Variants in PGLYRP2 observed in about 807,000 individuals in gnomAD.
The protein encoded by PGLYRP2 is N-acetylmuramoyl-L-alanine amidase.
In PGLYRP2, 38 loss-of-function variants were observed where a neutral mutation model predicts 46.2. The ratio of observed to expected loss-of-function variants is 0.82; its 90% CI spans 0.64 to 1.08. The LOEUF (loss-of-function observed/expected upper bound fraction) is 1.08, where lower values mean the gene tolerates loss of function less well. Ranked by LOEUF, PGLYRP2 falls within the 50% of genes least tolerant of loss-of-function variation. The probability of loss-of-function intolerance (pLI) is 0.00; values close to 1 mark genes in which losing one functional copy is unlikely to be tolerated. For synonymous variants in PGLYRP2, 289 were observed against 329.4 expected (o/e 0.88, Z 1.33); for missense variants, 713 against 755.9 (o/e 0.94, Z 0.67).
Position 15,476,243 on chromosome 19 carries a change from C to T in PGLYRP2, c.427G>A (p.Asp143Asn), listed in dbSNP as rs1490425966. 6.2e-7 allele frequency: 1 copy of T among 1,614,050 alleles called. No individual in the cohort carries two copies. Among genetic ancestry groups the T allele is most frequent in the Non-Finnish European group, 8.5e-7 (1 of 1,180,030 alleles). ...QGRRVINLPL[D>N]SMAAPWETGD... ...GTCTCCCAAGGGGCAGCCATGCTGT[C>T]CAAGGGCAAATTTATGACCCTGCGC... Residue 143 changes from aspartate (D) to asparagine (N), a missense_variant, in exon 2 of 5, where the codon GAC (aspartate) becomes AAC (asparagine). Transcript: ENST00000340880.
intron 1 of PGLYRP2, among the ~76,000 whole-genome samples, chr19:15,477,230 T>C (rs1394306378): frequency 6.6e-6 from 1 of 151,486 alleles, no homozygotes; most frequent in Non-Finnish European, 1.5e-5. Flanking sequence ...CCATCTCTAA[T>C]AAAAATACAA....
chr19:15,468,809 CT>C (rs2145512395), intron 4 of PGLYRP2, 57 bp from the exon 5 acceptor site: 1 of 1,399,070 alleles, frequency 7.1e-7, no homozygotes. Context: ...GTGGCTGGGT[CT>C]GCCCTCCTGG....
intron 1 of PGLYRP2, 78 bp downstream of exon 1, chr19:15,479,233 G>A (rs897807308): frequency 1.4e-6 from 2 of 1,475,512 alleles, no homozygotes; most frequent in Admixed American, 1.7e-5. Flanking sequence ...TCCATGCAGG[G>A]CAAGACATAG....
In PGLYRP2 at chr19:15,469,983, C is replaced by T; in HGVS notation, c.1344-54G>A. 1 of 1,353,346 alleles carries T rather than the reference C, an allele frequency of 7.4e-7. No homozygotes were observed. The allele number at this position is 1,353,346 out of a possible 1,614,324, so 83.8% of individuals were successfully genotyped here. A position where few individuals can be genotyped will look rare whatever the true frequency, so the allele number is the denominator to read the frequency against. On this transcript the variant is annotated intron_variant, in intron 3 of 4. Coordinates refer to ENST00000340880, the MANE Select transcript of PGLYRP2 (RefSeq NM_052890.4). The surrounding 1 kb of genome is among the most constrained non-coding windows in gnomAD (Gnocchi z 4.9). ...ATGCGGCGTGAGGGGGACCCGGGCC[C>T]TTATCCGCTCCCCTCCCCGATTCTG... is the stretch of plus-strand genomic sequence containing the variant.
In PGLYRP2 at chr19:15,469,942, G is replaced by A. The variant is rs2145513637; in HGVS notation, c.1344-13C>T. ...GCCCACCACGAAACTGCAGAGGGGA[G>A]GGAGAAGCAAGCACCATGCGGCGTG... On this transcript the variant is annotated splice_polypyrimidine_tract_variant and intron_variant, in intron 3 of 4. Coordinates refer to ENST00000340880, the MANE Select transcript of PGLYRP2 (RefSeq NM_052890.4). This position sits in a 1 kb window ranked among gnomAD's most constrained non-coding sequence, Gnocchi z 4.9. 2 of 1,413,280 alleles carry A rather than the reference G, an allele frequency of 1.4e-6. No individual in the cohort carries two copies. The highest frequency in any genetic ancestry group is 5.5e-5 in the East Asian group (2 of 36,262). 87.5% of individuals were successfully genotyped at this position (1,413,280 alleles called of 1,614,324 possible).
intron 2 of PGLYRP2, 72 bp downstream of exon 2, chr19:15,475,466 C>G (rs1042829265): frequency 7.0e-7 from 1 of 1,427,822 alleles, no homozygotes; most frequent in Non-Finnish European, 9.5e-7. Context: ...TCCTCAACTT[C>G]CCTGAATATA....
chr19:15,472,156 C>T (rs1208779285), intron 2 of PGLYRP2, 56 bp from the exon 3 acceptor site: 2 of 1,440,398 alleles, frequency 1.4e-6, no homozygotes, highest in African/African-American at 1.4e-5. Context: ...GCCTGTTCCT[C>T]CACCCGCATT....
intron 2 of PGLYRP2, among the ~76,000 whole-genome samples, chr19:15,475,275 T>C (rs1014663593): frequency 1.3e-5 from 2 of 152,196 alleles, no homozygotes; most frequent in African/African-American, 4.8e-5. Context: ...ATGCAATCTA[T>C]GCGAGAAACA....
At chr19:15,468,796 T>C (rs1599762420) in intron 4 of PGLYRP2, 44 bp from the exon 5 acceptor site, 1 of 1,521,926 alleles carries the variant, frequency 6.6e-7, no homozygotes. Context: ...GTGGTTGTGG[T>C]ATGTGGCTGG....
Position 15,471,956 on chromosome 19 carries a change from G to T in PGLYRP2, c.1277C>A (p.Ala426Glu). ...GCGCTGCATGGAGCGCATGTTGGCT[G>T]CGCAGCGCGTGAAGTCCGTGCAGGG... is the stretch of plus-strand genomic sequence containing the variant. ...APPCTDFTRC[A>E]ANMRSMQRYH... Residue 426 changes from alanine (A) to glutamate (E), a missense_variant, in exon 3 of 5, where the codon GCA becomes GAA. By Grantham distance (107) the Ala-to-Glu change is moderately radical. Transcript: ENST00000340880. The T allele has an allele frequency of 1.2e-6, 2 of 1,614,120 alleles. No individual in the cohort carries two copies. The highest frequency in any genetic ancestry group is 1.7e-6 in the Non-Finnish European group (2 of 1,179,976).
At chr19:15,468,781 TG>T in intron 4 of PGLYRP2, 29 bp from the exon 5 acceptor site, 1 of 1,574,450 alleles carries the variant, frequency 6.4e-7, no homozygotes, top group Non-Finnish European at 8.7e-7. Flanking sequence ...GTGTGAGGCT[TG>T]GGGGTGGTTG....
rs769894444 is a variant in PGLYRP2, at chr19:15,475,622, G to C, written c.1048C>G (p.His350Asp). 1.2e-5 allele frequency: 20 copies of C among 1,614,034 alleles called. No individual in the cohort carries two copies. The South Asian group carries it at 2.1e-4, about 17-fold the overall frequency. ...TGGCTCATGCACTGAAGCTGGAGGT[G>C]TACTGGCTCCAGCCTCTGTAGAAGG... ...LVLLQRLEPVHLQLQCMSQEQ... is the reference protein window; with the variant it reads ...LVLLQRLEPVDLQLQCMSQEQ... Residue 350 changes from histidine to aspartate, a missense_variant, in exon 2 of 5, where the codon CAC (histidine) becomes GAC (aspartate). Transcript: ENST00000340880.
At position 15,469,303 on chromosome 19, in the gene PGLYRP2, T is replaced by C. The variant is rs540486543; in HGVS notation, c.1641+329A>G. ...AGAAGTCATGAAGGCCAGGCTGAGG[T>C]TGTGAGGGCAGAGGGGCTGTTGGCA... is the stretch of plus-strand genomic sequence containing the variant. On this transcript the variant is annotated intron_variant, in intron 4 of 4. Transcript: ENST00000340880. This position sits in a 1 kb window ranked among gnomAD's most constrained non-coding sequence, Gnocchi z 4.9. 7 of 614,134 alleles carry C rather than the reference T, an allele frequency of 1.1e-5. No homozygotes were observed. The highest frequency in any genetic ancestry group is 2.1e-5 in the Non-Finnish European group (7 of 339,722). 38.0% of individuals were successfully genotyped at this position (614,134 alleles called of 1,614,324 possible). A position where few individuals can be genotyped will look rare whatever the true frequency, so the allele number is the denominator to read the frequency against.
At chr19:15,471,557 G>A (rs1413860367) in intron 3 of PGLYRP2, among the ~76,000 whole-genome samples, 1 of 151,828 alleles carries the variant, frequency 6.6e-6, no homozygotes, top group Non-Finnish European at 1.5e-5. Flanking sequence ...GGGAGCCACC[G>A]CACCAGGCCT....
chr19:15,472,122 G>T (rs765713595), intron 2 of PGLYRP2, 22 bp from the exon 3 acceptor site: 4 of 1,586,280 alleles, frequency 2.5e-6, no homozygotes, highest in Non-Finnish European at 3.4e-6. Context: ...GGGGTTGAAG[G>T]CTGGGGTCAG....
Position 15,476,039 on chromosome 19 carries a change from GGGA to G in PGLYRP2, c.628_630del (p.Ser210del). On this transcript the variant is annotated inframe_deletion, in exon 2 of 5. Transcript: ENST00000340880. ...AGGAGGCTGTCCACCATGGTCGGTG[GGGA>G]CTTGGCTTTGGCATCTGGCAAGGAA... The G allele has an allele frequency of 6.2e-7, 1 of 1,614,178 alleles. No homozygotes were observed. Among genetic ancestry groups the G allele is most frequent in the Non-Finnish European group, 8.5e-7 (1 of 1,180,028 alleles).
chr19:15,471,973 C>A lies in PGLYRP2; in HGVS notation c.1260G>T (p.Thr420=), dbSNP rs781547118. The stretch of plus-strand genomic sequence containing the variant: ...TGTTGGCTGCGCAGCGCGTGAAGTC[C>A]GTGCAGGGTGGTGCAGGCACGTAGG... ...HHTYVPAPPC[T]DFTRCAANMR... The change falls in exon 3 of 5, where the codon ACG becomes ACT. Residue 420 remains threonine, a synonymous_variant. Coordinates refer to ENST00000340880, the MANE Select transcript of PGLYRP2 (RefSeq NM_052890.4). 1.9e-4 allele frequency: 300 copies of A among 1,613,940 alleles called. 1 individual carries two copies. Among genetic ancestry groups the A allele is most frequent in the Non-Finnish European group, 2.5e-4 (295 of 1,179,986 alleles).
Position 15,469,845 on chromosome 19 carries a change from C to T in PGLYRP2, c.1428G>A (p.Arg476=), listed in dbSNP as rs773988051. 6.5e-7 allele frequency: 1 copy of T among 1,528,768 alleles called. No individual in the cohort carries two copies. Among genetic ancestry groups the T allele is most frequent in the South Asian group, 1.2e-5 (1 of 81,652 alleles). The allele number at this position is 1,528,768 out of a possible 1,614,324, so 94.7% of individuals were successfully genotyped here. The part of the protein sequence containing the change: ...VGAHTLGHNS[R]GFGVAIVGNY... ...TGCCCACTATGGCCACGCCGAAGCC[C>T]CGGGAGTTGTGGCCGAGCGTGTGGG... Residue 476 remains arginine (R), a synonymous_variant, in exon 4 of 5, where the codon CGG becomes CGA. Coordinates refer to ENST00000340880, the MANE Select transcript of PGLYRP2 (RefSeq NM_052890.4). This position sits in a 1 kb window ranked among gnomAD's most constrained non-coding sequence, Gnocchi z 4.9.
Position 15,479,492 on chromosome 19 carries a change from A to G in PGLYRP2, c.-121T>C. On this transcript the variant is annotated 5_prime_UTR_variant, in exon 1 of 5. Coordinates refer to ENST00000340880, the MANE Select transcript of PGLYRP2 (RefSeq NM_052890.4). ...GAGCCTTTGACCACTGTCAAAGTCC[A>G]GCGGCGAATGACAGACCTGCCTCTC... The G allele has an allele frequency of 2.0e-6, 2 of 1,003,510 alleles. No individual in the cohort carries two copies. The allele number at this position is 1,003,510 out of a possible 1,614,324, so 62.2% of individuals were successfully genotyped here.
Sources: allele counts gnomAD v4.1 joint callset (sites outside exome capture counted in the v4.1 genomes callset), GRCh38; gene constraint gnomAD v4.1.1; non-coding constraint Gnocchi (gnomAD v3.1); transcripts MANE v1.5; gene names NCBI Gene and HGNC (gene_info 2026-07-23, HGNC 2026-07-21).